SLC24A2: variants seen among roughly 807,000 people sequenced by gnomAD.
SLC24A2 encodes the protein sodium/potassium/calcium exchanger 2.
In SLC24A2, 36 loss-of-function variants were observed where a neutral mutation model predicts 62.0. That is an observed-to-expected ratio of 0.58 (90% CI 0.44 to 0.77). The LOEUF is 0.77. Among genes scored for constraint, SLC24A2 ranks in the 30% least tolerant of loss-of-function variants. SLC24A2 has a pLI of 0.00. For synonymous variants in SLC24A2, 358 were observed against 294.0 expected (o/e 1.22, Z -2.23); for missense variants, 846 against 817.9 (o/e 1.03, Z -0.42).
At chr9:20,024,267 T>A in the SLC24A2 span, among the ~76,000 whole-genome samples, 3 of 152,272 alleles carry the variant, frequency 2.0e-5, no homozygotes, top group South Asian at 6.2e-4. Flanking sequence ...GGCAGAAAAT[T>A]CCAAGCACAG....
At chr9:19,564,397 A>G (rs548293998) in intron 7 of SLC24A2, among the ~76,000 whole-genome samples, 3 of 152,366 alleles carry the variant, frequency 2.0e-5, no homozygotes, top group Non-Finnish European at 2.9e-5. Context: ...GTATGGAGAA[A>G]TAAGTCAGAG....
chr9:19,716,045 T>C (rs1188358636), intron 2 of SLC24A2, among the ~76,000 whole-genome samples: 1 of 152,208 alleles, frequency 6.6e-6, no homozygotes, highest in Non-Finnish European at 1.5e-5. Context: ...TTAGAGGCTT[T>C]ATGAAGAGCC....
chr9:19,715,342 C>T (rs1488916686), intron 2 of SLC24A2, among the ~76,000 whole-genome samples: 1 of 152,040 alleles, frequency 6.6e-6, no homozygotes, highest in South Asian at 2.1e-4. Context: ...AGATATTAAC[C>T]CTGCCCCTTC....
At chr9:20,075,413 G>A in the SLC24A2 span, among the ~76,000 whole-genome samples, 1 of 152,188 alleles carries the variant, frequency 6.6e-6, no homozygotes, top group South Asian at 2.1e-4. Context: ...ATGTGAATCT[G>A]TGTCACTGGA....
chr9:19,906,104 G>T, the SLC24A2 span, among the ~76,000 whole-genome samples: 3 of 152,152 alleles, frequency 2.0e-5, no homozygotes, highest in African/African-American at 7.2e-5. Flanking sequence ...AAATGTAAAA[G>T]AACTGAAATT....
intron 6 of SLC24A2, 84 bp downstream of exon 6, chr9:19,576,840 C>A: frequency 2.0e-6 from 2 of 975,790 alleles, no homozygotes; most frequent in Non-Finnish European, 3.3e-6. Flanking sequence ...TGCACTGAGT[C>A]AGGGGTGCCC....
the SLC24A2 span, among the ~76,000 whole-genome samples, chr9:19,809,392 C>T: frequency 5.3e-5 from 8 of 152,096 alleles, no homozygotes; most frequent in African/African-American, 1.9e-4. Flanking sequence ...ACTAACGTAC[C>T]TGGTGGAAGA....
the SLC24A2 span, among the ~76,000 whole-genome samples, chr9:20,247,368 G>C: frequency 4.6e-5 from 7 of 152,086 alleles, no homozygotes; most frequent in Admixed American, 3.9e-4. Flanking sequence ...GTCTGAATGT[G>C]CATGTCCTCT....
the SLC24A2 span, among the ~76,000 whole-genome samples, chr9:20,231,547 G>C: frequency 6.6e-6 from 1 of 152,080 alleles, no homozygotes; most frequent in East Asian, 1.9e-4. Context: ...TCTGTTACTG[G>C]TATATAAGAA....
Position 19,543,039 on chromosome 9 carries a change from G to C in SLC24A2, c.1479+7098C>G, listed in dbSNP as rs1037759560. The stretch of plus-strand genomic sequence containing the variant: ...CCAGCTCCTCTTTGTACCTCTGGTA[G>C]AATTTGGCAGTGAATTCATCTGGTT... On this transcript the variant is annotated intron_variant, in intron 8 of 10. Coordinates refer to ENST00000341998, the MANE Select transcript of SLC24A2 (RefSeq NM_020344.4). 5.9e-5 allele frequency among the ~76,000 whole-genome samples: 9 copies of C among 152,176 alleles called. No homozygotes were observed. In the East Asian group the frequency reaches 1.3e-3, roughly 23 times the overall value.
the SLC24A2 span, among the ~76,000 whole-genome samples, chr9:20,013,743 T>C: frequency 6.6e-6 from 1 of 152,028 alleles, no homozygotes; most frequent in African/African-American, 2.4e-5. Context: ...AGTAAGAAAA[T>C]AACCTGATTG....
At chr9:19,937,622 G>A in the SLC24A2 span, among the ~76,000 whole-genome samples, 3 of 152,176 alleles carry the variant, frequency 2.0e-5, 1 homozygote, top group Non-Finnish European at 4.4e-5. Context: ...ATGAACACCC[G>A]GATTACAGCT....
the SLC24A2 span, among the ~76,000 whole-genome samples, chr9:19,849,717 C>G: frequency 0.58 from 88,865 of 151,992 alleles, 26,649 homozygotes; most frequent in Non-Finnish European, 0.65. Flanking sequence ...ATGTATCCAA[C>G]TAAACGTCTC....
chr9:19,860,806 A>G, the SLC24A2 span, among the ~76,000 whole-genome samples: 3 of 152,178 alleles, frequency 2.0e-5, no homozygotes, highest in South Asian at 4.1e-4. Context: ...TTGTCTGGCA[A>G]TATTCATCGT....
Position 19,636,319 on chromosome 9 carries a change from CTTTCTTTCTTTCTTTCTTT to C in SLC24A2, c.931-14039_931-14021del, listed in dbSNP as rs1818332899. Among the ~76,000 whole-genome samples the C allele has an allele frequency of 3.0e-4, 13 of 43,482 alleles. 1 individual carries two copies. The highest frequency in any genetic ancestry group is 2.4e-3 in the South Asian group (3 of 1,250). 28.5% of individuals were successfully genotyped at this position (43,482 alleles called of 152,430 possible). ...CTTTTCTTTTCTTTTCTTTTCTTTT[CTTTCTTTCTTTCTTTCTTT>C]CTTTCTTTCTTTCTTTCTTTCTTTC... is the stretch of plus-strand genomic sequence containing the variant. On this transcript the variant is annotated intron_variant, in intron 2 of 10. Coordinates refer to ENST00000341998, the MANE Select transcript of SLC24A2 (RefSeq NM_020344.4).
chr9:19,770,553 C>A (rs1181913487), intron 2 of SLC24A2, among the ~76,000 whole-genome samples: 1 of 152,110 alleles, frequency 6.6e-6, no homozygotes, highest in Non-Finnish European at 1.5e-5. Flanking sequence ...TGATCCATTC[C>A]TATTACCTTA....
At chr9:19,620,948 T>C (rs1817894205) in intron 3 of SLC24A2, among the ~76,000 whole-genome samples, 1 of 152,158 alleles carries the variant, frequency 6.6e-6, no homozygotes, top group Admixed American at 6.5e-5. Context: ...CCCAAAAATG[T>C]CCCATAAGAG....
chr9:20,219,136 C>T, the SLC24A2 span, among the ~76,000 whole-genome samples: 4 of 152,140 alleles, frequency 2.6e-5, no homozygotes, highest in Non-Finnish European at 4.4e-5. Flanking sequence ...AGTTGGGTGG[C>T]CCTCAGTCTT....
chr9:19,728,785 G>C (rs898447591), intron 2 of SLC24A2, among the ~76,000 whole-genome samples: 2 of 152,160 alleles, frequency 1.3e-5, no homozygotes, highest in African/African-American at 2.4e-5. Context: ...CTCTAGGCTA[G>C]AAGGTTTTAT....
Sources: allele counts gnomAD v4.1 joint callset (sites outside exome capture counted in the v4.1 genomes callset), GRCh38; gene constraint gnomAD v4.1.1; transcripts MANE v1.5; gene names NCBI Gene and HGNC (gene_info 2026-07-23, HGNC 2026-07-21).